Variants in RANBP2 observed in about 807,000 individuals in gnomAD.
RANBP2 encodes E3 SUMO-protein ligase RanBP2.
Under a neutral mutation model 303.6 loss-of-function variants are expected in RANBP2, and 57 were observed. The observed-to-expected ratio is 0.19, with a 90% CI of 0.15 to 0.23. The LOEUF (loss-of-function observed/expected upper bound fraction) is 0.23. Ranked by LOEUF, RANBP2 falls within the 10% of genes least tolerant of loss-of-function variation. RANBP2 has a pLI of 1.00. For synonymous variants in RANBP2, 1,167 were observed against 1,301.5 expected (o/e 0.90, Z 2.23); for missense variants, 3,138 against 3,780.8 (o/e 0.83, Z 4.46).
the RANBP2 span, among the ~76,000 whole-genome samples, chr2:109,074,240 G>A: frequency 1.3e-5 from 2 of 150,334 alleles, no homozygotes; most frequent in Non-Finnish European, 3.0e-5. Flanking sequence ...GTAGTGGCAG[G>A]AGCCTGTAAT....
At chr2:108,852,950 C>T in the RANBP2 span, among the ~76,000 whole-genome samples, 1 of 152,124 alleles carries the variant, frequency 6.6e-6, no homozygotes, top group Non-Finnish European at 1.5e-5. Flanking sequence ...TAATGTGTCA[C>T]TGAGAGGATA....
At chr2:109,122,691 G>A in the RANBP2 span, among the ~76,000 whole-genome samples, 18 of 152,196 alleles carry the variant, frequency 1.2e-4, no homozygotes, top group South Asian at 1.9e-3. Context: ...TCAACATAGC[G>A]AGACCTAGTC....
At chr2:109,285,855 G>A in the RANBP2 span, among the ~76,000 whole-genome samples, 1 of 152,190 alleles carries the variant, frequency 6.6e-6, no homozygotes, top group Admixed American at 6.5e-5. Flanking sequence ...GTGGCTCCAA[G>A]CCTGACCACT....
At chr2:109,553,565 A>G in the RANBP2 span, among the ~76,000 whole-genome samples, 2 of 144,376 alleles carry the variant, frequency 1.4e-5, no homozygotes, top group African/African-American at 2.6e-5. Context: ...AAAAAGTGAT[A>G]TAAGTGGCCT....
the RANBP2 span, among the ~76,000 whole-genome samples, chr2:108,977,430 G>A: frequency 1.3e-5 from 2 of 152,104 alleles, no homozygotes; most frequent in East Asian, 1.9e-4. Context: ...CACCATGCCT[G>A]GCTAATTTTT....
chr2:108,896,946 C>A, the RANBP2 span: 1 of 1,613,338 alleles, frequency 6.2e-7, no homozygotes, highest in Non-Finnish European at 8.5e-7. Context: ...GTGGCACAAC[C>A]CCCGCCCACT....
the RANBP2 span, among the ~76,000 whole-genome samples, chr2:108,869,931 A>C: frequency 4.6e-5 from 7 of 152,202 alleles, no homozygotes; most frequent in Non-Finnish European, 1.0e-4. Flanking sequence ...CAAAGGAACA[A>C]AATAAATCTT....
rs1371967801 is a variant in RANBP2, at chr2:108,764,772, G to A, written c.4233G>A (p.Val1411=). ...ATGTTCAAGATCGATTTGCATTGGT[G>A]ACTCCAAAGAAAGAAGGTCACTGGG... is the stretch of plus-strand genomic sequence containing the variant. ...PENVQDRFAL[V]TPKKEGHWDC... is the part of the protein sequence containing the mutation. Residue 1411 remains valine (V), a synonymous_variant, in exon 20 of 29, where the codon GTG becomes GTA. Coordinates refer to ENST00000283195, the MANE Select transcript of RANBP2 (RefSeq NM_006267.5). The A allele has an allele frequency of 1.2e-6, 2 of 1,613,870 alleles. No homozygotes were observed. Among genetic ancestry groups the A allele is most frequent in the Admixed American group, 1.7e-5 (1 of 59,986 alleles).
the RANBP2 span, among the ~76,000 whole-genome samples, chr2:109,060,288 G>A: frequency 6.6e-6 from 1 of 152,134 alleles, no homozygotes; most frequent in East Asian, 1.9e-4. Flanking sequence ...ATGAGCTGTT[G>A]GTAACCGAAT....
the RANBP2 span, among the ~76,000 whole-genome samples, chr2:109,270,557 G>C: frequency 6.6e-6 from 1 of 152,150 alleles, no homozygotes; most frequent in African/African-American, 2.4e-5. Flanking sequence ...GTGACAGCCC[G>C]GGGCAGTGTG....
chr2:109,705,333 G>A, the RANBP2 span, among the ~76,000 whole-genome samples: 11 of 151,524 alleles, frequency 7.3e-5, no homozygotes, highest in Admixed American at 1.3e-4. Flanking sequence ...TTGAACCCGG[G>A]AAGTGGAGAT....
the RANBP2 span, among the ~76,000 whole-genome samples, chr2:109,515,419 T>G: frequency 6.6e-6 from 1 of 152,064 alleles, no homozygotes; most frequent in Non-Finnish European, 1.5e-5. Flanking sequence ...GCTAACTTGC[T>G]TCATCTCATG....
At chr2:109,516,724 CGG>C in the RANBP2 span, among the ~76,000 whole-genome samples, 1 of 152,252 alleles carries the variant, frequency 6.6e-6, no homozygotes, top group Non-Finnish European at 1.5e-5. Context: ...GCAGTGCAAG[CGG>C]GATCCCCTCG....
the RANBP2 span, among the ~76,000 whole-genome samples, chr2:108,793,733 A>G: frequency 2.6e-5 from 4 of 151,622 alleles, no homozygotes; most frequent in Non-Finnish European, 4.4e-5. Context: ...AGTAGCTGGG[A>G]CTACAGGCAC....
At chr2:108,988,400 C>G in the RANBP2 span, among the ~76,000 whole-genome samples, 1 of 152,172 alleles carries the variant, frequency 6.6e-6, no homozygotes, top group South Asian at 2.1e-4. Flanking sequence ...AAATGAAAAC[C>G]TCAATCATCA....
chr2:109,031,723 G>A, the RANBP2 span, among the ~76,000 whole-genome samples: 1 of 152,184 alleles, frequency 6.6e-6, no homozygotes, highest in Non-Finnish European at 1.5e-5. Context: ...ACCTGGACGC[G>A]CTGCGGGCGC....
At chr2:109,103,742 G>A in the RANBP2 span, among the ~76,000 whole-genome samples, 6 of 152,014 alleles carry the variant, frequency 3.9e-5, no homozygotes, top group African/African-American at 1.4e-4. Context: ...GACTGCGAGG[G>A]CCTGGAAGGG....
the RANBP2 span, among the ~76,000 whole-genome samples, chr2:109,197,889 C>G: frequency 6.6e-6 from 1 of 152,252 alleles, no homozygotes; most frequent in African/African-American, 2.4e-5. Flanking sequence ...CTGCACTTGC[C>G]TTTTGCATCA....
chr2:109,495,353 C>G, the RANBP2 span, among the ~76,000 whole-genome samples: 2 of 152,294 alleles, frequency 1.3e-5, no homozygotes, highest in East Asian at 3.9e-4. Flanking sequence ...GCCCCTCCTG[C>G]CCACTGGATG....
Sources: gnomAD v4.1 joint callset for allele counts (sites outside exome capture counted in the v4.1 genomes callset) on GRCh38, gnomAD v4.1.1 for gene constraint, MANE v1.5 for transcripts, NCBI Gene and HGNC (gene_info 2026-07-23, HGNC 2026-07-21) for gene names.